The following KCNAB1 variants were observed in gnomAD, a reference collection of about 807,000 sequenced individuals.
KCNAB1 encodes the protein potassium voltage-gated channel subfamily A regulatory beta subunit 1, also known as voltage-gated potassium channel subunit beta-1.
KCNAB1 carries 35 observed loss-of-function variants against 64.6 expected under a neutral mutation model. The ratio of observed to expected loss-of-function variants is 0.54; its 90% CI spans 0.41 to 0.72. KCNAB1 has a LOEUF of 0.72. Ranked by LOEUF, KCNAB1 falls within the 30% of genes least tolerant of loss-of-function variation. KCNAB1 has a pLI of 0.00. For synonymous variants in KCNAB1, 177 were observed against 183.8 expected (o/e 0.96, Z 0.30); for missense variants, 401 against 512.9 (o/e 0.78, Z 2.11).
Position 156,463,644 on chromosome 3 carries a change from C to T in KCNAB1, c.483-58C>T, listed in dbSNP as rs532612313. 2.6e-5 allele frequency: 34 copies of T among 1,288,018 alleles called. 1 individual carries two copies. The highest frequency in any genetic ancestry group is 2.3e-4 in the South Asian group (18 of 76,754). 79.8% of individuals were successfully genotyped at this position (1,288,018 alleles called of 1,614,324 possible). A position where few individuals can be genotyped will look rare whatever the true frequency, so the allele number is the denominator to read the frequency against. On this transcript the variant is annotated intron_variant, in intron 5 of 13. Coordinates refer to ENST00000490337, the MANE Select transcript of KCNAB1 (RefSeq NM_172160.3). ...CTGGTGCTATTATAATAATATGACT[C>T]GGTACAATAACCTGCATTTATTTAC...
intron 3 of KCNAB1, chr3:156,456,221 A>G (rs531900934): frequency 3.9e-5 from 6 of 152,324 alleles, no homozygotes; most frequent in African/African-American, 1.4e-4. Flanking sequence ...ATTGGGAAAC[A>G]TCTCTGTCAT....
intron 1 of KCNAB1, among the ~76,000 whole-genome samples, chr3:156,387,927 C>T (rs780962743): frequency 7.2e-5 from 11 of 152,024 alleles, no homozygotes; most frequent in South Asian, 2.1e-4. Flanking sequence ...GAAAATTCAC[C>T]GCGTATTTGT....
At chr3:156,125,201 G>A (rs1286844073) in intron 1 of KCNAB1, among the ~76,000 whole-genome samples, 1 of 151,916 alleles carries the variant, frequency 6.6e-6, no homozygotes. Context: ...AAAGAGGAAC[G>A]TGCTTTGTTT....
chr3:156,455,253 G>A (rs1712314498), intron 3 of KCNAB1, among the ~76,000 whole-genome samples: 1 of 152,206 alleles, frequency 6.6e-6, no homozygotes. Flanking sequence ...CAAAGTACAT[G>A]CAAATATGGA....
At chr3:156,258,582 A>G (rs1718239737) in intron 1 of KCNAB1, among the ~76,000 whole-genome samples, 1 of 151,862 alleles carries the variant, frequency 6.6e-6, no homozygotes, top group Non-Finnish European at 1.5e-5. Flanking sequence ...ATGCAACAAC[A>G]CTCCCAAATG....
chr3:156,454,544 C>T (rs534151386), intron 3 of KCNAB1, among the ~76,000 whole-genome samples: 95 of 152,196 alleles, frequency 6.2e-4, no homozygotes, highest in African/African-American at 2.2e-3. Flanking sequence ...ATAAGTCCCT[C>T]GGTTCCAAAG....
intron 1 of KCNAB1, among the ~76,000 whole-genome samples, chr3:156,158,121 C>T (rs1464739083): frequency 2.1e-5 from 3 of 143,256 alleles, no homozygotes; most frequent in Admixed American, 7.6e-5. Context: ...GGAGAGATAG[C>T]GCCACTGCAC....
At chr3:156,407,308 C>T (rs2108202963) in intron 1 of KCNAB1, among the ~76,000 whole-genome samples, 2 of 152,304 alleles carry the variant, frequency 1.3e-5, no homozygotes, top group Middle Eastern at 3.4e-3. Context: ...GGTTCTGTCC[C>T]TTCCTCCAGG....
In KCNAB1 at chr3:156,158,178, AAAAATAAAT is replaced by A. The variant is rs1213530998; in HGVS notation, c.275+37296_275+37304del. ...AAACTCTGTCTCAAAAAAAAAAATA[AAAAATAAAT>A]AAATAAATAAATAAATAAATAAATA... On this transcript the variant is annotated intron_variant, in intron 1 of 13. Transcript: ENST00000490337. 1.1e-4 allele frequency among the ~76,000 whole-genome samples: 5 copies of A among 43,946 alleles called. 1 individual carries two copies. Among genetic ancestry groups the A allele is most frequent in the African/African-American group, 2.6e-4 (4 of 15,492 alleles). 28.8% of individuals were successfully genotyped at this position (43,946 alleles called of 152,430 possible).
intron 1 of KCNAB1, among the ~76,000 whole-genome samples, chr3:156,319,584 A>T (rs2108022416): frequency 6.6e-6 from 1 of 152,334 alleles, no homozygotes; most frequent in Admixed American, 6.5e-5. Flanking sequence ...AACACTGGTG[A>T]ACAGTGCTGT....
intron 1 of KCNAB1, among the ~76,000 whole-genome samples, chr3:156,229,656 A>G (rs1449821795): frequency 2.6e-5 from 4 of 152,176 alleles, no homozygotes; most frequent in African/African-American, 9.7e-5. Context: ...AGGAGGGACT[A>G]GAGGTCTTAA....
intron 1 of KCNAB1, among the ~76,000 whole-genome samples, chr3:156,330,679 C>T (rs1423088073): frequency 6.6e-6 from 1 of 152,128 alleles, no homozygotes; most frequent in Non-Finnish European, 1.5e-5. Context: ...CATCATTTCC[C>T]TAAGGCAATG....
chr3:156,458,836 T>C (rs891944247), intron 4 of KCNAB1, among the ~76,000 whole-genome samples: 2 of 152,204 alleles, frequency 1.3e-5, no homozygotes, highest in Non-Finnish European at 2.9e-5. Context: ...TTATTGATTG[T>C]CGGTCTATAA....
At chr3:156,310,016 T>C (rs532714367) in intron 1 of KCNAB1, among the ~76,000 whole-genome samples, 1 of 152,270 alleles carries the variant, frequency 6.6e-6, no homozygotes, top group African/African-American at 2.4e-5. Flanking sequence ...TGTTGAGTGA[T>C]GAGATTTCAG....
intron 1 of KCNAB1, chr3:156,291,377 G>A (rs1274801645): frequency 4.0e-6 from 4 of 994,730 alleles, no homozygotes; most frequent in Non-Finnish European, 1.2e-6. Flanking sequence ...GCGATTAGCT[G>A]CTTCTTGGGA....
At chr3:156,462,707 C>A (rs1301314722) in intron 5 of KCNAB1, among the ~76,000 whole-genome samples, 1 of 152,148 alleles carries the variant, frequency 6.6e-6, no homozygotes, top group Non-Finnish European at 1.5e-5. Flanking sequence ...GAGGCGTTGA[C>A]CCTACAGATG....
chr3:156,340,514 T>C (rs1236006065), intron 1 of KCNAB1, among the ~76,000 whole-genome samples: 3 of 152,174 alleles, frequency 2.0e-5, no homozygotes. Context: ...CATCTCACCC[T>C]ACACTTCCCT....
At position 156,464,510 on chromosome 3, in the gene KCNAB1, G is replaced by A. The variant is rs571088511; in HGVS notation, c.527+764G>A. Among the ~76,000 whole-genome samples the A allele has an allele frequency of 4.0e-5, 6 of 151,872 alleles. No individual in the cohort carries two copies. In the South Asian group the frequency reaches 6.2e-4, roughly 16 times the overall value. On this transcript the variant is annotated intron_variant, in intron 6 of 13. Transcript: ENST00000490337. ...AAATAATAATAATAATAATAATAAT[G>A]CTGGAGTTTTAACAAAAAGCAAAAA...
At chr3:156,196,982 A>G (rs1713992551) in intron 1 of KCNAB1, among the ~76,000 whole-genome samples, 1 of 152,126 alleles carries the variant, frequency 6.6e-6, no homozygotes, top group South Asian at 2.1e-4. Flanking sequence ...TTCCATCAAT[A>G]CCTAGTTTAT....
Sources: gnomAD v4.1 joint callset for allele counts (sites outside exome capture counted in the v4.1 genomes callset) on GRCh38, gnomAD v4.1.1 for gene constraint, MANE v1.5 for transcripts, NCBI Gene and HGNC (gene_info 2026-07-23, HGNC 2026-07-21) for gene names.